The following XRN1 variants were observed in gnomAD, a reference collection of about 807,000 sequenced individuals.
XRN1 encodes strand-exchange protein 1 homolog.
Under a neutral mutation model 222.3 loss-of-function variants are expected in XRN1, and 67 were observed. The ratio of observed to expected loss-of-function variants is 0.30; its 90% confidence interval spans 0.25 to 0.37. The LOEUF is 0.37. XRN1 is among the 10% of genes least tolerant of loss of function. XRN1 has a pLI of 1.00. For synonymous variants in XRN1, 643 were observed against 652.4 expected (o/e 0.99, Z 0.22); for missense variants, 1,707 against 2,000.2 (o/e 0.85, Z 2.80).
rs752409264 is a variant in XRN1, at chr3:142,447,879, T to C, written c.66A>G (p.Lys22=). 2 of 1,613,710 alleles carry C rather than the reference T, an allele frequency of 1.2e-6. No homozygotes were observed. The highest frequency in any genetic ancestry group is 1.7e-6 in the Non-Finnish European group (2 of 1,179,916). Residue 22 remains lysine, a synonymous_variant, in exon 1 of 41, where the codon AAA becomes AAG. Coordinates refer to ENST00000392981, the MANE Select transcript of XRN1 (RefSeq NM_001282857.2). The surrounding 1 kb of genome is among the most constrained non-coding windows in gnomAD (Gnocchi z 4.2). The part of the protein sequence containing the change: ...ERYPCLSEVV[K]EHQIPEFDNL... ...CCCCTCGCTCACCCACCTGATGCTC[T>C]TTCACCACTTCGCTGAGACAGGGAT...
chr3:142,361,726 T>C (rs1257860700), intron 29 of XRN1, among the ~76,000 whole-genome samples: 1 of 152,156 alleles, frequency 6.6e-6, no homozygotes, highest in Non-Finnish European at 1.5e-5. Context: ...TTATTTGCCA[T>C]CCATGTATCT....
chr3:142,444,621 T>C (rs1253968570), intron 1 of XRN1, among the ~76,000 whole-genome samples: 1 of 149,874 alleles, frequency 6.7e-6, no homozygotes, highest in African/African-American at 2.5e-5. Context: ...AAATAAAAAA[T>C]AAAAAAAAAG....
At chr3:142,406,730 G>A (rs2068356270) in intron 15 of XRN1, among the ~76,000 whole-genome samples, 1 of 150,998 alleles carries the variant, frequency 6.6e-6, no homozygotes, top group African/African-American at 2.4e-5. Context: ...GTCTTGCTGT[G>A]TTGCCCAGGG....
intron 26 of XRN1, 42 bp from the exon 27 acceptor site, chr3:142,370,662 T>A (rs767454592): frequency 1.3e-5 from 20 of 1,514,342 alleles, no homozygotes; most frequent in Admixed American, 4.6e-5. Flanking sequence ...ATTAAAACTT[T>A]CTCAGGGCTA....
rs199861128 is a variant in XRN1, at chr3:142,329,564, G to T, written c.4274C>A (p.Ser1425Tyr). The T allele has an allele frequency of 6.3e-7, 1 of 1,591,362 alleles. No homozygotes were observed. The highest frequency in any genetic ancestry group is 1.8e-5 in the Admixed American group (1 of 54,846). Reference sequence around the variant, plus strand: ...GGCAGGCCAACACATATTGTCCATAGACTGAACATTATGGTACTCATTAGC... The same window carrying T: ...GGCAGGCCAACACATATTGTCCATATACTGAACATTATGGTACTCATTAGC... ...HSANEYHNVQ[S>Y]MDNMCWPAPS... The change falls in exon 37 of 41, where the codon TCT (serine) becomes TAT (tyrosine). Residue 1425 changes from serine (S) to tyrosine (Y), a missense_variant. By Grantham distance (144) the Ser-to-Tyr change is moderately radical (BLOSUM62 -2). Around this residue, in one of 2 missense-constraint regions of XRN1, gnomAD observed 473 missense variants for 482.0 expected, o/e 0.98. Transcript: ENST00000392981.
intron 1 of XRN1, among the ~76,000 whole-genome samples, chr3:142,446,836 A>G (rs1045162189): frequency 2.0e-5 from 3 of 152,232 alleles, no homozygotes; most frequent in Non-Finnish European, 2.9e-5. Flanking sequence ...TCATCTACCA[A>G]ATCTGATTGG....
In XRN1 at chr3:142,370,475, A is replaced by G; in HGVS notation, c.3204+10T>C. 1 of 1,591,162 alleles carries G rather than the reference A, an allele frequency of 6.3e-7. No individual in the cohort carries two copies. Among genetic ancestry groups the G allele is most frequent in the East Asian group, 2.3e-5 (1 of 43,826 alleles). On this transcript the variant is annotated intron_variant, in intron 27 of 40. Transcript: ENST00000392981. ...TCTCATCAATAATCTTGGTTACTGAAAGTTAGTACCTTGCACTTTTCGACT... is the reference window on the plus strand; with the variant it reads ...TCTCATCAATAATCTTGGTTACTGAGAGTTAGTACCTTGCACTTTTCGACT...
At chr3:142,405,155 C>T in intron 15 of XRN1, 79 bp from the exon 16 acceptor site, 1 of 1,389,704 alleles carries the variant, frequency 7.2e-7, no homozygotes, top group South Asian at 1.3e-5. Context: ...TCTTTTTCCT[C>T]CATATACAGA....
chr3:142,384,422 G>A, intron 21 of XRN1, 101 bp downstream of exon 21: 1 of 878,452 alleles, frequency 1.1e-6, no homozygotes, highest in Non-Finnish European at 1.6e-6. Context: ...ATTATACATT[G>A]CTGAATTAGT....
intron 22 of XRN1, among the ~76,000 whole-genome samples, chr3:142,381,563 C>CTTTTTTTTTTTTT (rs766961502): frequency 2.4e-5 from 2 of 84,252 alleles, no homozygotes; most frequent in Non-Finnish European, 2.5e-5. Context: ...TAAGTTATTG[C>CTTTTTTTTTTTTT]TTTTTTTTTT....
intron 40 of XRN1, among the ~76,000 whole-genome samples, chr3:142,312,305 A>ATAC (rs1262742377): frequency 6.6e-6 from 1 of 152,100 alleles, no homozygotes; most frequent in African/African-American, 2.4e-5. Flanking sequence ...AATAATAATA[A>ATAC]TAAAAATACA....
intron 37 of XRN1, among the ~76,000 whole-genome samples, chr3:142,328,234 T>C (rs2065574416): frequency 6.6e-6 from 1 of 152,190 alleles, no homozygotes; most frequent in African/African-American, 2.4e-5. Context: ...TTAGGTTGTT[T>C]ATTTGAAGTG....
intron 29 of XRN1, 83 bp from the exon 30 acceptor site, chr3:142,360,014 G>T: frequency 1.2e-6 from 1 of 838,588 alleles, no homozygotes; most frequent in Non-Finnish European, 1.8e-6. Flanking sequence ...GTGTTTGGAA[G>T]TATTTATTAT....
In XRN1 at chr3:142,441,349, G is replaced by A. The variant is rs185217254; in HGVS notation, c.75+6521C>T. Among the ~76,000 whole-genome samples the A allele has an allele frequency of 6.8e-3, 1,035 of 152,332 alleles. 8 individuals carry two copies. The highest frequency in any genetic ancestry group is 8.2e-3 in the Non-Finnish European group (555 of 68,026). ...CCATTTAGTAAGATGGACACCTGAA[G>A]CAGAAGTGGCTTTCCAGGCCCTAAA... On this transcript the variant is annotated intron_variant, in intron 1 of 40. Transcript: ENST00000392981.
At chr3:142,443,300 A>T (rs55712145) in intron 1 of XRN1, among the ~76,000 whole-genome samples, 1 of 152,064 alleles carries the variant, frequency 6.6e-6, no homozygotes, top group African/African-American at 2.4e-5. Flanking sequence ...CCCCAACAGC[A>T]CTTAGGTTTT....
intron 27 of XRN1, among the ~76,000 whole-genome samples, chr3:142,370,158 A>G (rs556867240): frequency 6.6e-6 from 1 of 152,262 alleles, no homozygotes; most frequent in Non-Finnish European, 1.5e-5. Flanking sequence ...TTAATTCTCA[A>G]TATTGGAAAC....
intron 25 of XRN1, among the ~76,000 whole-genome samples, chr3:142,372,359 A>G (rs1176355667): frequency 1.3e-5 from 2 of 152,156 alleles, no homozygotes; most frequent in Non-Finnish European, 2.9e-5. Flanking sequence ...GGAGATAAGC[A>G]TGCAGGTAGG....
At chr3:142,431,841 TAA>T (rs1451208482) in intron 2 of XRN1, among the ~76,000 whole-genome samples, 2 of 77,898 alleles carry the variant, frequency 2.6e-5, no homozygotes, top group East Asian at 3.0e-4. Context: ...TATATAATAT[TAA>T]AAAATATATA....
At chr3:142,431,310 G>C (rs1382760574) in intron 2 of XRN1, among the ~76,000 whole-genome samples, 5 of 152,130 alleles carry the variant, frequency 3.3e-5, no homozygotes, top group African/African-American at 1.2e-4. Context: ...ACTGTAGCTT[G>C]GGAACTAACA....
Sources: gnomAD v4.1 joint callset for allele counts (sites outside exome capture counted in the v4.1 genomes callset) on GRCh38, gnomAD v4.1.1 for gene constraint, gnomAD v4.1.1 regional missense constraint, Gnocchi (gnomAD v3.1) non-coding constraint, MANE v1.5 for transcripts, NCBI Gene and HGNC (gene_info 2026-07-23, HGNC 2026-07-21) for gene names.